Variants in C1orf141 observed in about 807,000 individuals in gnomAD.
C1orf141 encodes the protein uncharacterized protein C1orf141.
A neutral mutation model predicts 23.2 loss-of-function variants in C1orf141; 19 were observed. The ratio of observed to expected loss-of-function variants is 0.82; its 90% confidence interval spans 0.57 to 1.20. The LOEUF (loss-of-function observed/expected upper bound fraction) is 1.20. Ranked by LOEUF, C1orf141 falls within the 50% of genes most tolerant of loss-of-function variation. The probability of loss-of-function intolerance (pLI) is 0.00; values close to 1 mark genes in which losing one functional copy is unlikely to be tolerated. For missense variants in C1orf141, 469 were observed against 455.1 expected, an observed-to-expected ratio of 1.03 and a Z score of -0.28; for synonymous variants, 153 against 154.6, an observed-to-expected ratio of 0.99 and a Z score of 0.08.
At chr1:67,106,159 A>T (rs1356399543) in intron 5 of C1orf141, among the ~76,000 whole-genome samples, 3 of 152,206 alleles carry the variant, frequency 2.0e-5, no homozygotes, top group Non-Finnish European at 2.9e-5. Flanking sequence ...GAACAAAAAC[A>T]TCAATAATTT....
chr1:67,098,590 G>A (rs1315421429), intron 5 of C1orf141, among the ~76,000 whole-genome samples: 1 of 151,648 alleles, frequency 6.6e-6, no homozygotes, highest in South Asian at 2.1e-4. Context: ...TCTACAAGAG[G>A]GTCAGCACTA....
At chr1:67,106,759 C>T (rs111760169) in intron 5 of C1orf141, among the ~76,000 whole-genome samples, 9 of 151,994 alleles carry the variant, frequency 5.9e-5, no homozygotes, top group Non-Finnish European at 8.8e-5. Flanking sequence ...GGAATCTTAC[C>T]GGAGAAACAG....
chr1:67,107,953 C>CA lies in C1orf141; in HGVS notation c.346+7398dup, dbSNP rs536155209. ...AGCATCTGCAAAAAAGGCTACCAGT[C>CA]AAACTGCCTACTCCCTGCCCTCATA... On this transcript the variant is annotated intron_variant, in intron 5 of 7. Transcript: ENST00000684719. Among the ~76,000 whole-genome samples the CA allele has an allele frequency of 1.4e-3, 207 of 152,252 alleles. 2 individuals carry two copies. The highest frequency in any genetic ancestry group is 4.7e-3 in the African/African-American group (197 of 41,554).
intron 5 of C1orf141, among the ~76,000 whole-genome samples, chr1:67,098,122 G>T (rs1645723565): frequency 6.6e-6 from 1 of 152,142 alleles, no homozygotes; most frequent in Non-Finnish European, 1.5e-5. Context: ...TGGCCTGAGG[G>T]TCACGAGGTC....
chr1:67,134,493 A>G (rs1211570268), intron 1 of C1orf141, among the ~76,000 whole-genome samples: 1 of 152,184 alleles, frequency 6.6e-6, no homozygotes, highest in East Asian at 1.9e-4. Flanking sequence ...GGGAGTCGTC[A>G]ATTTGGAAAT....
intron 5 of C1orf141, chr1:67,113,693 A>G (rs1053022411): frequency 1.2e-5 from 15 of 1,276,446 alleles, no homozygotes; most frequent in African/African-American, 3.1e-5. Flanking sequence ...CAAGTTTCAT[A>G]CTAAGTACAA....
chr1:67,129,564 G>A (rs1646481411), intron 2 of C1orf141, among the ~76,000 whole-genome samples: 1 of 152,186 alleles, frequency 6.6e-6, no homozygotes, highest in Admixed American at 6.5e-5. Flanking sequence ...ACACTGGGAA[G>A]GGGAGATCCA....
chr1:67,141,388 T>G (rs145232228), intron 1 of C1orf141, among the ~76,000 whole-genome samples: 1 of 152,264 alleles, frequency 6.6e-6, no homozygotes, highest in African/African-American at 2.4e-5. Flanking sequence ...GACTTTTTTC[T>G]TCTTGTGAGA....
rs184740243 is a variant in C1orf141, at chr1:67,108,154, T to C, written c.346+7198A>G. Among the ~76,000 whole-genome samples the C allele has an allele frequency of 3.1e-3, 470 of 152,304 alleles. 1 individual carries two copies. The highest frequency in any genetic ancestry group is 5.8e-3 in the Non-Finnish European group (393 of 68,016). ...ATGTCTTATTTTATTCAAGCTGCTA[T>C]AATAAAATCCCTTAAACAGGGTAAT... On this transcript the variant is annotated intron_variant, in intron 5 of 7. Transcript: ENST00000684719.
At chr1:67,129,147 C>T (rs1052172195) in intron 2 of C1orf141, among the ~76,000 whole-genome samples, 1 of 152,070 alleles carries the variant, frequency 6.6e-6, no homozygotes, top group African/African-American at 2.4e-5. Flanking sequence ...CGATGTAGTC[C>T]AGTGTGATAA....
intron 2 of C1orf141, among the ~76,000 whole-genome samples, chr1:67,130,765 C>T (rs1277866102): frequency 6.6e-6 from 1 of 152,084 alleles, no homozygotes; most frequent in Non-Finnish European, 1.5e-5. Flanking sequence ...ACTAAATTTG[C>T]CGGTTAATGA....
At chr1:67,112,801 A>T (rs1300800607) in intron 5 of C1orf141, among the ~76,000 whole-genome samples, 1 of 152,146 alleles carries the variant, frequency 6.6e-6, no homozygotes, top group Non-Finnish European at 1.5e-5. Flanking sequence ...ACCATAAAAG[A>T]GGTATATTGT....
At chr1:67,132,645 A>T (rs994639396) in intron 1 of C1orf141, among the ~76,000 whole-genome samples, 1 of 152,224 alleles carries the variant, frequency 6.6e-6, no homozygotes, top group Non-Finnish European at 1.5e-5. Context: ...TTTACATCTA[A>T]CGGGGATTTG....
chr1:67,120,085 A>T (rs1205756660), intron 4 of C1orf141, among the ~76,000 whole-genome samples: 2 of 152,196 alleles, frequency 1.3e-5, no homozygotes, highest in Non-Finnish European at 2.9e-5. Flanking sequence ...AGAGCTTTGA[A>T]CCAAAGAGGA....
At chr1:67,135,293 GA>G (rs1328289438), upstream of C1orf141, among the ~76,000 whole-genome samples, 4 of 152,196 alleles carry the variant, frequency 2.6e-5, no homozygotes, top group Admixed American at 2.6e-4. Context: ...ATTTCAAAAA[GA>G]AGCTTACAAA....
At chr1:67,102,214 T>C (rs190799170) in intron 5 of C1orf141, among the ~76,000 whole-genome samples, 4 of 152,102 alleles carry the variant, frequency 2.6e-5, no homozygotes, top group Non-Finnish European at 5.9e-5. Flanking sequence ...TCCTTAGTAG[T>C]TACTGTACAA....
intron 5 of C1orf141, 84 bp from the exon 6 acceptor site, chr1:67,096,405 T>TA: frequency 1.4e-6 from 1 of 723,092 alleles, no homozygotes; most frequent in Non-Finnish European, 2.3e-6. Context: ...TTTTACAATT[T>TA]AAAATAACAT....
At chr1:67,105,957 G>T (rs1453160431) in intron 5 of C1orf141, among the ~76,000 whole-genome samples, 2 of 152,170 alleles carry the variant, frequency 1.3e-5, no homozygotes, top group Non-Finnish European at 2.9e-5. Context: ...AAAGATGGCA[G>T]CTCCATTCCC....
intron 3 of C1orf141, among the ~76,000 whole-genome samples, chr1:67,126,148 A>C (rs975459034): frequency 6.6e-6 from 1 of 152,082 alleles, no homozygotes; most frequent in Admixed American, 6.6e-5. Context: ...ATGTGGGGGT[A>C]GGACTTGAGG....
Sources: gnomAD v4.1 joint callset for allele counts (sites outside exome capture counted in the v4.1 genomes callset) on GRCh38, gnomAD v4.1.1 for gene constraint, MANE v1.5 for transcripts, NCBI Gene and HGNC (gene_info 2026-07-23, HGNC 2026-07-21) for gene names.